The following CSMD1 variants were observed in gnomAD, a reference collection of about 807,000 sequenced individuals.
The protein encoded by CSMD1 is CUB and sushi domain-containing protein 1.
In CSMD1, 213 loss-of-function variants were observed where a neutral mutation model predicts 417.5. That is an observed-to-expected ratio of 0.51 (90% CI 0.46 to 0.57). The LOEUF (loss-of-function observed/expected upper bound fraction) is 0.57. CSMD1 is among the 20% of genes least tolerant of loss of function. CSMD1 has a pLI of 0.00. For missense variants in CSMD1, 6,923 were observed against 4,529.7 expected, an observed-to-expected ratio of 1.53 and a Z score of -15.17; for synonymous variants, 2,862 against 1,736.8, an observed-to-expected ratio of 1.65 and a Z score of -16.11.
At chr8:3,082,522 C>T (rs1443337545) in intron 49 of CSMD1, among the ~76,000 whole-genome samples, 1 of 152,158 alleles carries the variant, frequency 6.6e-6, no homozygotes, top group African/African-American at 2.4e-5. Flanking sequence ...GTTTTTAAGA[C>T]TCTCTCCCTC....
chr8:3,429,144 A>G (rs1286129587), intron 12 of CSMD1, among the ~76,000 whole-genome samples: 1 of 152,182 alleles, frequency 6.6e-6, no homozygotes, highest in African/African-American at 2.4e-5. Context: ...ACACTTAACA[A>G]TATTGCATGG....
chr8:4,819,035 C>G (rs1341959705), intron 1 of CSMD1, among the ~76,000 whole-genome samples: 1 of 152,024 alleles, frequency 6.6e-6, no homozygotes, highest in African/African-American at 2.4e-5. Context: ...GAATAAATGG[C>G]TTGGAAGACA....
At chr8:4,582,817 G>T (rs549585404) in intron 2 of CSMD1, among the ~76,000 whole-genome samples, 18 of 152,340 alleles carry the variant, frequency 1.2e-4, no homozygotes, top group Admixed American at 7.2e-4. Flanking sequence ...AGCTTGCGGG[G>T]AGGTGTGGAG....
chr8:3,816,188 A>G (rs1801355875), intron 5 of CSMD1, among the ~76,000 whole-genome samples: 1 of 152,190 alleles, frequency 6.6e-6, no homozygotes, highest in African/African-American at 2.4e-5. Context: ...TGCTCTCTGC[A>G]TCTGGGAGAA....
intron 1 of CSMD1, among the ~76,000 whole-genome samples, chr8:4,904,976 T>C (rs1805142869): frequency 6.6e-6 from 1 of 152,112 alleles, no homozygotes; most frequent in Non-Finnish European, 1.5e-5. Context: ...TCAACCAACA[T>C]AGTACAATTT....
At chr8:3,767,981 A>G (rs1409869392) in intron 5 of CSMD1, among the ~76,000 whole-genome samples, 5 of 152,210 alleles carry the variant, frequency 3.3e-5, no homozygotes, top group Admixed American at 6.5e-5. Context: ...ACTTTTAAAT[A>G]TTTCATATGT....
intron 5 of CSMD1, among the ~76,000 whole-genome samples, chr8:3,905,576 ATGGC>A (rs1195378928): frequency 3.9e-5 from 6 of 152,190 alleles, no homozygotes; most frequent in Non-Finnish European, 1.5e-5. Context: ...GCAAACACAG[ATGGC>A]TGGACCCCAC....
At chr8:4,855,901 G>A (rs1465917782) in intron 1 of CSMD1, among the ~76,000 whole-genome samples, 1 of 149,640 alleles carries the variant, frequency 6.7e-6, no homozygotes, top group Non-Finnish European at 1.5e-5. Context: ...TCAGATTCAG[G>A]AAATACAGAG....
At chr8:3,814,678 A>G (rs1162087033) in intron 5 of CSMD1, among the ~76,000 whole-genome samples, 1 of 152,194 alleles carries the variant, frequency 6.6e-6, no homozygotes, top group African/African-American at 2.4e-5. Context: ...GCTGAGATGG[A>G]GACATTAGCT....
chr8:4,938,445 T>C (rs147952970), intron 1 of CSMD1, among the ~76,000 whole-genome samples: 244 of 152,254 alleles, frequency 1.6e-3, no homozygotes, highest in African/African-American at 5.8e-3. Flanking sequence ...ACTCACTTGT[T>C]CTCTAGTAAA....
intron 11 of CSMD1, among the ~76,000 whole-genome samples, chr8:3,492,604 T>C (rs1229212287): frequency 1.3e-5 from 2 of 152,212 alleles, no homozygotes; most frequent in Non-Finnish European, 2.9e-5. Flanking sequence ...ATTTTCCTAA[T>C]TTTCATAAAC....
chr8:4,119,021 C>T (rs1802322804), intron 3 of CSMD1, among the ~76,000 whole-genome samples: 1 of 152,098 alleles, frequency 6.6e-6, no homozygotes, highest in South Asian at 2.1e-4. Context: ...TGTTCTCACT[C>T]ATAAGTGGGA....
chr8:4,166,483 C>T (rs566031005), intron 3 of CSMD1, among the ~76,000 whole-genome samples: 20 of 152,204 alleles, frequency 1.3e-4, no homozygotes, highest in African/African-American at 3.6e-4. Flanking sequence ...GAGGCCATTA[C>T]CCTAAGTTAA....
chr8:3,681,407 A>T (rs1421278548), intron 7 of CSMD1, among the ~76,000 whole-genome samples: 1 of 152,184 alleles, frequency 6.6e-6, no homozygotes, highest in Non-Finnish European at 1.5e-5. Context: ...AGACAAACAG[A>T]GAGCCAAATC....
At chr8:4,254,390 T>C (rs527525171) in intron 3 of CSMD1, among the ~76,000 whole-genome samples, 2 of 152,190 alleles carry the variant, frequency 1.3e-5, no homozygotes, top group Non-Finnish European at 2.9e-5. Flanking sequence ...GATGTCTCAG[T>C]CAACAACGAA....
intron 3 of CSMD1, among the ~76,000 whole-genome samples, chr8:4,149,111 G>C (rs897946849): frequency 3.3e-5 from 5 of 151,904 alleles, no homozygotes; most frequent in African/African-American, 1.2e-4. Context: ...TTACAGGCGT[G>C]TACCACCACA....
chr8:3,692,466 G>T (rs948512954), intron 7 of CSMD1, among the ~76,000 whole-genome samples: 6 of 150,862 alleles, frequency 4.0e-5, no homozygotes, highest in Non-Finnish European at 8.8e-5. Context: ...TTTTGAGACG[G>T]AGTCTCCCTC....
intron 1 of CSMD1, among the ~76,000 whole-genome samples, chr8:4,854,401 C>A (rs903804863): frequency 6.6e-6 from 1 of 151,980 alleles, no homozygotes; most frequent in Non-Finnish European, 1.5e-5. Context: ...TGTGCCACTC[C>A]GGATCGAGCC....
In CSMD1 at chr8:2,957,715, C is replaced by A; in HGVS notation, c.9795G>T (p.Gly3265=). ...RTCLANLTWS[G]IQTECIPHAC... ...ACTTACGTATACATTCGGTCTGTATCCCACTCCATGTTAAATTGGCAAGGC... is the reference window on the plus strand; with the variant it reads ...ACTTACGTATACATTCGGTCTGTATACCACTCCATGTTAAATTGGCAAGGC... Residue 3265 remains glycine (G), a synonymous_variant, in exon 63 of 70, where the codon GGG becomes GGT. Coordinates refer to ENST00000635120, the MANE Select transcript of CSMD1 (RefSeq NM_033225.6). 1 of 1,592,194 alleles carries A rather than the reference C, an allele frequency of 6.3e-7. No individual in the cohort carries two copies. The highest frequency in any genetic ancestry group is 8.6e-7 in the Non-Finnish European group (1 of 1,167,688).
Sources: gnomAD v4.1 joint callset for allele counts (sites outside exome capture counted in the v4.1 genomes callset) on GRCh38, gnomAD v4.1.1 for gene constraint, MANE v1.5 for transcripts, NCBI Gene and HGNC (gene_info 2026-07-23, HGNC 2026-07-21) for gene names.